The following ANKEF1 variants were observed in gnomAD, a reference collection of about 807,000 sequenced individuals.
ANKEF1 encodes ankyrin repeat and EF-hand domain-containing protein 1.
Under a neutral mutation model 65.1 loss-of-function variants are expected in ANKEF1, and 43 were observed. The ratio of observed to expected loss-of-function variants is 0.66; its 90% CI spans 0.52 to 0.85. The LOEUF (loss-of-function observed/expected upper bound fraction) is 0.85, where lower values mean the gene tolerates loss of function less well. Ranked by LOEUF, ANKEF1 falls within the 40% of genes least tolerant of loss-of-function variation. ANKEF1 has a pLI of 0.00. For synonymous variants in ANKEF1, 316 were observed against 341.5 expected, an observed-to-expected ratio of 0.93 and a Z score of 0.82; for missense variants, 934 against 952.9, an observed-to-expected ratio of 0.98 and a Z score of 0.26.
intron 3 of ANKEF1, 132 bp downstream of exon 3, chr20:10,038,779 A>C: frequency 1.6e-5 from 11 of 682,396 alleles, no homozygotes; most frequent in South Asian, 4.3e-5. Context: ...CTAAATTCTC[A>C]CTCCTATACC....
intron 8 of ANKEF1, 95 bp downstream of exon 8, chr20:10,051,984 G>A (rs1984890168): frequency 4.3e-6 from 4 of 922,958 alleles, no homozygotes; most frequent in Non-Finnish European, 4.8e-6. Context: ...GGCTTGCATT[G>A]TCCACTGGGT....
chr20:10,044,797 A>G (rs949414246), intron 5 of ANKEF1, among the ~76,000 whole-genome samples: 8 of 152,182 alleles, frequency 5.3e-5, no homozygotes, highest in Non-Finnish European at 1.0e-4. Flanking sequence ...CTCGATGATA[A>G]CAATTTAAAA....
chr20:10,045,635 C>T lies in ANKEF1; in HGVS notation c.758C>T (p.Thr253Ile). The change falls in exon 6 of 11, where the codon ACA (threonine) becomes ATA (isoleucine). Residue 253 changes from threonine (T) to isoleucine (I), a missense_variant. By Grantham distance (89) the Thr-to-Ile change is moderately conservative. Transcript: ENST00000378392. The part of the protein sequence containing the change: ...DVGLISINGN[T>I]PLHYAAMGGF... Reference sequence around the variant, plus strand: ...GGGCTGATTTCGATAAATGGGAACACACCACTTCATTATGCTGCCATGGGT... The same window carrying T: ...GGGCTGATTTCGATAAATGGGAACATACCACTTCATTATGCTGCCATGGGT... 1 of 1,613,816 alleles carries T rather than the reference C, an allele frequency of 6.2e-7. No individual in the cohort carries two copies. Among genetic ancestry groups the T allele is most frequent in the Non-Finnish European group, 8.5e-7 (1 of 1,179,806 alleles).
At position 10,035,122 on chromosome 20, in the gene ANKEF1, C is replaced by A. The variant is rs1983758800; in HGVS notation, c.-320C>A. On this transcript the variant is annotated 5_prime_UTR_variant, in exon 1 of 11. Coordinates refer to ENST00000378392, the MANE Select transcript of ANKEF1 (RefSeq NM_022096.6). ...GGGGCCCATGGACACATACACCCAG[C>A]CCTGCTGTCCCGCGCGCCAGCTCAC... 1.3e-5 allele frequency: 2 copies of A among 152,712 alleles called. No individual in the cohort carries two copies. Among genetic ancestry groups the A allele is most frequent in the African/African-American group, 4.8e-5 (2 of 41,486 alleles). The allele number at this position is 152,712 out of a possible 1,614,324, so 9.5% of individuals were successfully genotyped here.
intron 6 of ANKEF1, among the ~76,000 whole-genome samples, chr20:10,048,256 GATTT>G (rs1984634767): frequency 1.4e-5 from 2 of 145,956 alleles, no homozygotes; most frequent in Non-Finnish European, 3.0e-5. Flanking sequence ...TAGTAAAATA[GATTT>G]ATTTTTCTTT....
chr20:10,042,621 C>G (rs1476071267), intron 3 of ANKEF1, among the ~76,000 whole-genome samples: 1 of 152,198 alleles, frequency 6.6e-6, no homozygotes. Context: ...AGGCACTTGC[C>G]ATCTAATTAG....
In ANKEF1 at chr20:10,035,043, C is replaced by T. The variant is rs1040738485; in HGVS notation, c.-399C>T. On this transcript the variant is annotated 5_prime_UTR_variant, in exon 1 of 11. Coordinates refer to ENST00000378392, the MANE Select transcript of ANKEF1 (RefSeq NM_022096.6). ...CTCACAATCAGCCCGGTCCCTCCGGCTTCCACCCCGCCCCCTGCGCTCACC... is the reference window on the plus strand; with the variant it reads ...CTCACAATCAGCCCGGTCCCTCCGGTTTCCACCCCGCCCCCTGCGCTCACC... 2 of 153,090 alleles carry T rather than the reference C, an allele frequency of 1.3e-5. No individual in the cohort carries two copies. The highest frequency in any genetic ancestry group is 2.0e-4 in the South Asian group (1 of 5,022). The allele number at this position is 153,090 out of a possible 1,614,324, so 9.5% of individuals were successfully genotyped here. A position where few individuals can be genotyped will look rare whatever the true frequency, so the allele number is the denominator to read the frequency against.
At position 10,038,522 on chromosome 20, in the gene ANKEF1, C is replaced by G. The variant is rs1983994328; in HGVS notation, c.221C>G (p.Pro74Arg). ...TTTCTCCTTGACCTTGGTGCTCACC[C>G]TGATGTGCAAGACCGAATGGGCTGT... Reference protein sequence around the residue: ...VSFLLDLGAHPDVQDRMGCTP... With the variant: ...VSFLLDLGAHRDVQDRMGCTP... The change falls in exon 3 of 11, where the codon CCT (proline) becomes CGT (arginine). Residue 74 changes from proline (P) to arginine (R), a missense_variant. Transcript: ENST00000378392. 1 of 1,614,090 alleles carries G rather than the reference C, an allele frequency of 6.2e-7. No homozygotes were observed. Among genetic ancestry groups the G allele is most frequent in the Admixed American group, 1.7e-5 (1 of 60,006 alleles).
intron 10 of ANKEF1, among the ~76,000 whole-genome samples, chr20:10,054,861 T>C (rs1398601864): frequency 6.6e-6 from 1 of 152,210 alleles, no homozygotes; most frequent in Non-Finnish European, 1.5e-5. Flanking sequence ...TCTGAATCAA[T>C]GGCATGATCT....
chr20:10,039,581 G>A (rs596203), intron 3 of ANKEF1, among the ~76,000 whole-genome samples: 37,210 of 152,118 alleles, frequency 0.24, 4,744 homozygotes, highest in Middle Eastern at 0.27. Context: ...ATTGTACCAC[G>A]TAAGAAAATA....
intron 5 of ANKEF1, 134 bp from the exon 6 acceptor site, chr20:10,045,440 C>A: frequency 1.1e-6 from 1 of 878,142 alleles, no homozygotes; most frequent in Non-Finnish European, 1.7e-6. Context: ...CAGTTTAGTT[C>A]ATTTCAATTT....
At chr20:10,041,943 G>T (rs1162156737) in intron 3 of ANKEF1, among the ~76,000 whole-genome samples, 1 of 151,754 alleles carries the variant, frequency 6.6e-6, no homozygotes, top group Non-Finnish European at 1.5e-5. Context: ...AAAGTTTCCT[G>T]TTTTTTTTCC....
rs652633 is a variant in ANKEF1, at chr20:10,049,540, T to A, written c.971T>A (p.Leu324Gln). The change falls in exon 7 of 11, where the codon CTG (leucine) becomes CAG (glutamine). Residue 324 changes from leucine to glutamine, a missense_variant. Physicochemically the swap from Leu to Gln is moderately radical, Grantham distance 113. Coordinates refer to ENST00000378392, the MANE Select transcript of ANKEF1 (RefSeq NM_022096.6). ...ARPGAKNPNP[L>Q]WALRLHDWSV... is the part of the protein sequence containing the mutation. ...CCAGGAGCCAAAAATCCAAATCCACTGTGGGCCCTTAGACTGCACGATTGG... is the reference window on the plus strand; with the variant it reads ...CCAGGAGCCAAAAATCCAAATCCACAGTGGGCCCTTAGACTGCACGATTGG... 0.25 allele frequency: 408,181 copies of A among 1,613,850 alleles called. 53,778 individuals are homozygous for A. Among genetic ancestry groups the A allele is most frequent in the Middle Eastern group, 0.29 (1,759 of 6,062 alleles).
intron 10 of ANKEF1, 65 bp from the exon 11 acceptor site, chr20:10,055,437 A>G: frequency 1.4e-6 from 2 of 1,426,512 alleles, no homozygotes; most frequent in East Asian, 2.3e-5. Context: ...AATTGTCTGG[A>G]TATTAGCATA....
At chr20:10,039,766 A>G (rs757705900) in intron 3 of ANKEF1, among the ~76,000 whole-genome samples, 1 of 152,224 alleles carries the variant, frequency 6.6e-6, no homozygotes, top group Non-Finnish European at 1.5e-5. Context: ...CGCATTCATT[A>G]GAGACACATT....
Position 10,053,240 on chromosome 20 carries a change from C to T in ANKEF1, c.1999C>T (p.Leu667=), listed in dbSNP as rs1568517595. The change falls in exon 9 of 11, where the codon CTG becomes TTG. Residue 667 remains leucine (L), a synonymous_variant. Coordinates refer to ENST00000378392, the MANE Select transcript of ANKEF1 (RefSeq NM_022096.6). ...ACTAAAAGGCAAGACACCTCCTATA[C>T]TGAAGACTGAAGGCCCTGAAATTAA... ...QKLKGKTPPI[L]KTEGPEIKKE... The T allele has an allele frequency of 6.2e-6, 10 of 1,606,768 alleles. No individual in the cohort carries two copies. The highest frequency in any genetic ancestry group is 8.5e-6 in the Non-Finnish European group (10 of 1,178,150).
At chr20:10,048,298 G>GTA in intron 6 of ANKEF1, among the ~76,000 whole-genome samples, 1 of 151,750 alleles carries the variant, frequency 6.6e-6, no homozygotes, top group East Asian at 1.9e-4. Flanking sequence ...TTGATAGTAA[G>GTA]TATATATATT....
chr20:10,045,462 A>C (rs1984462082), intron 5 of ANKEF1, 112 bp from the exon 6 acceptor site: 25 of 1,038,272 alleles, frequency 2.4e-5, no homozygotes, highest in Non-Finnish European at 3.4e-5. Flanking sequence ...AATTTTCAAT[A>C]GTCATACGTG....
rs1984380217 is a variant in ANKEF1 at position 10,044,379 on chromosome 20, C to T, written c.547-15C>T. 4.3e-6 allele frequency: 7 copies of T among 1,613,256 alleles called. No individual in the cohort carries two copies. Among genetic ancestry groups the T allele is most frequent in the Non-Finnish European group, 5.9e-6 (7 of 1,179,468 alleles). Reference sequence around the variant, plus strand: ...GGTATAAACAGCATCTCATATTGGACTATTTCATGTCCAGTCCACAGGCCG... The same window carrying T: ...GGTATAAACAGCATCTCATATTGGATTATTTCATGTCCAGTCCACAGGCCG... On this transcript the variant is annotated splice_polypyrimidine_tract_variant and intron_variant, in intron 4 of 10. Transcript: ENST00000378392.
Sources: allele counts gnomAD v4.1 joint callset (sites outside exome capture counted in the v4.1 genomes callset), GRCh38; gene constraint gnomAD v4.1.1; transcripts MANE v1.5; gene names NCBI Gene and HGNC (gene_info 2026-07-23, HGNC 2026-07-21).